Variants in NELL1 observed in about 807,000 individuals in gnomAD.
The protein encoded by NELL1 is protein kinase C-binding protein NELL1.
A neutral mutation model predicts 107.4 loss-of-function variants in NELL1; 76 were observed. The ratio of observed to expected loss-of-function variants is 0.71; its 90% CI spans 0.59 to 0.86. NELL1 has a LOEUF of 0.86. Ranked by LOEUF, NELL1 falls within the 40% of genes least tolerant of loss-of-function variation. The pLI is 0.00. For synonymous variants in NELL1, 353 were observed against 341.2 expected (o/e 1.03, Z -0.38); for missense variants, 1,024 against 1,005.5 (o/e 1.02, Z -0.25).
At chr11:21,416,751 G>C (rs945071443) in intron 15 of NELL1, among the ~76,000 whole-genome samples, 1 of 151,998 alleles carries the variant, frequency 6.6e-6, no homozygotes, top group Non-Finnish European at 1.5e-5. Flanking sequence ...TATTCTAACA[G>C]GGAATGGCAC....
chr11:21,010,051 T>A (rs2134285482), intron 12 of NELL1, among the ~76,000 whole-genome samples: 1 of 151,712 alleles, frequency 6.6e-6, no homozygotes, highest in East Asian at 2.0e-4. Flanking sequence ...TGTGAAGGAT[T>A]TATAGGAATG....
intron 12 of NELL1, among the ~76,000 whole-genome samples, chr11:21,037,740 CT>C (rs926010017): frequency 2.6e-5 from 4 of 152,192 alleles, no homozygotes; most frequent in African/African-American, 9.6e-5. Flanking sequence ...TCCCTCCCTC[CT>C]TTTTTTGACC....
chr11:21,095,674 A>G (rs1354888619), intron 12 of NELL1, among the ~76,000 whole-genome samples: 3 of 152,094 alleles, frequency 2.0e-5, no homozygotes, highest in African/African-American at 7.2e-5. Flanking sequence ...GCAATGGCAC[A>G]GTCTCAGCTC....
chr11:21,211,533 A>G (rs1857497250), intron 13 of NELL1, among the ~76,000 whole-genome samples: 1 of 152,162 alleles, frequency 6.6e-6, no homozygotes, highest in Admixed American at 6.6e-5. Context: ...ATAAGACTTG[A>G]ATTCCTAAAA....
At position 20,852,929 on chromosome 11, in the gene NELL1, A is replaced by G. The variant is rs182185107; in HGVS notation, c.506+5176A>G. 1.7e-4 allele frequency among the ~76,000 whole-genome samples: 26 copies of G among 152,312 alleles called. 1 individual carries two copies. The highest frequency in any genetic ancestry group is 6.3e-4 in the African/African-American group (26 of 41,568). ...GATGTGGTAAGGCAGTCAGTATATG[A>G]TGTATTGCTAGATTCCTGGTAGAGG... On this transcript the variant is annotated intron_variant, in intron 4 of 19. Coordinates refer to ENST00000357134, the MANE Select transcript of NELL1 (RefSeq NM_006157.5).
intron 15 of NELL1, among the ~76,000 whole-genome samples, chr11:21,441,388 G>T (rs960188368): frequency 2.4e-4 from 35 of 145,516 alleles, no homozygotes; most frequent in African/African-American, 8.8e-4. Flanking sequence ...TGTGTTCTAT[G>T]ATATGGTATG....
intron 13 of NELL1, among the ~76,000 whole-genome samples, chr11:21,153,374 A>C (rs778910103): frequency 1.3e-5 from 2 of 152,188 alleles, no homozygotes; most frequent in Admixed American, 6.6e-5. Context: ...GGCTGGGAGT[A>C]AACTAAGATT....
At chr11:21,150,018 C>A (rs1212713172) in intron 13 of NELL1, among the ~76,000 whole-genome samples, 1 of 151,910 alleles carries the variant, frequency 6.6e-6, no homozygotes, top group Non-Finnish European at 1.5e-5. Flanking sequence ...ATCTGGAGAA[C>A]TGGAAAGAAA....
In NELL1 at chr11:21,215,128, A is replaced by C. The variant is rs76709896; in HGVS notation, c.1427-14204A>C. Among the ~76,000 whole-genome samples, 1,484 of 152,198 alleles carry C rather than the reference A, an allele frequency of 9.8e-3. 25 individuals are homozygous for C. The highest frequency in any genetic ancestry group is 0.033 in the African/African-American group (1,364 of 41,540). On this transcript the variant is annotated intron_variant, in intron 13 of 19. Transcript: ENST00000357134. ...GGACCCAGTGTAAGGTAATTGAATC[A>C]TGAGGGTGGTTATCTCTATGCTGTT...
At chr11:20,746,810 A>C (rs1014268451) in intron 2 of NELL1, among the ~76,000 whole-genome samples, 1 of 152,218 alleles carries the variant, frequency 6.6e-6, no homozygotes, top group Non-Finnish European at 1.5e-5. Flanking sequence ...TGTGTACGAT[A>C]CACAGCTTCC....
At chr11:21,277,691 C>T (rs184923956) in intron 14 of NELL1, among the ~76,000 whole-genome samples, 31 of 152,258 alleles carry the variant, frequency 2.0e-4, no homozygotes, top group Admixed American at 1.3e-3. Flanking sequence ...AAATGTGGCA[C>T]GTATATACCA....
At chr11:20,911,840 T>G (rs1421224690) in intron 5 of NELL1, among the ~76,000 whole-genome samples, 2 of 152,196 alleles carry the variant, frequency 1.3e-5, no homozygotes, top group Non-Finnish European at 2.9e-5. Context: ...GGCCATCCTT[T>G]TATGAGAAGA....
At chr11:20,906,559 CCAGTATCT>C (rs1350522130) in intron 5 of NELL1, among the ~76,000 whole-genome samples, 1 of 152,008 alleles carries the variant, frequency 6.6e-6, no homozygotes, top group Non-Finnish European at 1.5e-5. Flanking sequence ...AAATTACAGA[CCAGTATCT>C]CTTATGAATG....
At chr11:21,325,432 G>T (rs1337740658) in intron 14 of NELL1, among the ~76,000 whole-genome samples, 2 of 152,094 alleles carry the variant, frequency 1.3e-5, no homozygotes, top group Non-Finnish European at 2.9e-5. Context: ...CACCAATTTA[G>T]TTTCTTACCA....
At chr11:21,573,577 T>C (rs1049338309) in intron 19 of NELL1, among the ~76,000 whole-genome samples, 168 bp downstream of exon 19, 6 of 151,884 alleles carry the variant, frequency 4.0e-5, no homozygotes. Flanking sequence ...TTATCATAGC[T>C]GCACCCTGTA....
intron 12 of NELL1, among the ~76,000 whole-genome samples, chr11:20,987,415 G>A (rs539095179): frequency 1.3e-5 from 2 of 152,134 alleles, no homozygotes; most frequent in South Asian, 4.1e-4. Flanking sequence ...AATTTATAAA[G>A]GAAAGAGGTT....
chr11:21,517,066 G>A (rs1325485304), intron 15 of NELL1, among the ~76,000 whole-genome samples: 1 of 152,136 alleles, frequency 6.6e-6, no homozygotes, highest in African/African-American at 2.4e-5. Context: ...TGGGATTAGA[G>A]GCATGAGCTA....
intron 12 of NELL1, among the ~76,000 whole-genome samples, chr11:20,990,003 A>AAAG (rs1489463047): frequency 1.3e-5 from 2 of 151,966 alleles, no homozygotes; most frequent in African/African-American, 4.8e-5. Flanking sequence ...TCTCAAAAAA[A>AAAG]AAAAAAAAGA....
intron 2 of NELL1, among the ~76,000 whole-genome samples, chr11:20,746,648 G>T (rs1564890882): frequency 6.6e-6 from 1 of 151,422 alleles, no homozygotes; most frequent in Non-Finnish European, 1.5e-5. Context: ...TATTGTTTTT[G>T]CCAAGTGTGA....
Sources: gnomAD v4.1 joint callset for allele counts (sites outside exome capture counted in the v4.1 genomes callset) on GRCh38, gnomAD v4.1.1 for gene constraint, MANE v1.5 for transcripts, NCBI Gene and HGNC (gene_info 2026-07-23, HGNC 2026-07-21) for gene names.